GALNTL6: variants seen among roughly 807,000 people sequenced by gnomAD.
The protein encoded by GALNTL6 is polypeptide N-acetylgalactosaminyltransferase like 6, also known as polypeptide N-acetylgalactosaminyltransferase-like 6.
Under a neutral mutation model 73.7 loss-of-function variants are expected in GALNTL6, and 46 were observed. The ratio of observed to expected loss-of-function variants is 0.62; its 90% CI spans 0.49 to 0.80. The LOEUF is 0.80. Among genes scored for constraint, GALNTL6 ranks in the 30% least tolerant of loss-of-function variants. GALNTL6 has a pLI of 0.00. For synonymous variants in GALNTL6, 259 were observed against 263.7 expected, an observed-to-expected ratio of 0.98 and a Z score of 0.17; for missense variants, 604 against 755.0, an observed-to-expected ratio of 0.80 and a Z score of 2.34.
intron 5 of GALNTL6, among the ~76,000 whole-genome samples, chr4:172,517,727 A>C (rs1013285072): frequency 6.6e-6 from 1 of 152,118 alleles, no homozygotes; most frequent in Non-Finnish European, 1.5e-5. Context: ...CACCACCATA[A>C]GAGTTTGTTT....
chr4:172,749,564 C>T (rs1737312113), intron 5 of GALNTL6, among the ~76,000 whole-genome samples: 2 of 152,080 alleles, frequency 1.3e-5, no homozygotes, highest in African/African-American at 2.4e-5. Context: ...AAAATTACTA[C>T]ATTTTAAGTG....
At chr4:173,021,654 C>T in intron 12 of GALNTL6, 29 bp downstream of exon 12, 2 of 1,608,580 alleles carry the variant, frequency 1.2e-6, no homozygotes, top group Non-Finnish European at 1.7e-6. Context: ...TGGTCATTCT[C>T]AAATTACTGT....
chr4:171,929,943 C>T (rs1738124397), intron 2 of GALNTL6, among the ~76,000 whole-genome samples: 1 of 152,204 alleles, frequency 6.6e-6, no homozygotes, highest in African/African-American at 2.4e-5. Flanking sequence ...GCCCCGTGTC[C>T]CCAGAAAATC....
chr4:172,542,046 T>C (rs951555206), intron 5 of GALNTL6, among the ~76,000 whole-genome samples: 2 of 151,662 alleles, frequency 1.3e-5, no homozygotes, highest in African/African-American at 4.8e-5. Flanking sequence ...ATGTAGGACA[T>C]GGACACACAG....
chr4:172,655,872 C>T (rs945952437), intron 5 of GALNTL6, among the ~76,000 whole-genome samples: 2 of 151,920 alleles, frequency 1.3e-5, no homozygotes, highest in Non-Finnish European at 2.9e-5. Context: ...ATCGCAAGTA[C>T]CTCCTTTCAT....
chr4:172,020,263 G>A (rs889722761), intron 2 of GALNTL6, among the ~76,000 whole-genome samples: 3 of 151,256 alleles, frequency 2.0e-5, no homozygotes, highest in East Asian at 1.9e-4. Flanking sequence ...AACTAGAAAG[G>A]CAAAAGCAAA....
At chr4:172,388,286 G>A (rs1027227699) in intron 5 of GALNTL6, among the ~76,000 whole-genome samples, 3 of 152,134 alleles carry the variant, frequency 2.0e-5, no homozygotes, top group South Asian at 4.1e-4. Context: ...CTATTTTTTC[G>A]TTTTAGAAAT....
intron 5 of GALNTL6, among the ~76,000 whole-genome samples, chr4:172,683,980 GA>G (rs1342904978): frequency 1.3e-5 from 2 of 152,138 alleles, no homozygotes; most frequent in East Asian, 1.9e-4. Flanking sequence ...TCATCTTCCA[GA>G]AAAAAAGTCA....
Position 172,862,340 on chromosome 4 carries a change from ATTAT to A in GALNTL6, c.924-20446_924-20443del, listed in dbSNP as rs1333766489. Reference sequence around the variant, plus strand: ...CTGTGGAACTTTGAACTTGAGAGAGATTATTTAGGGTATCAGGCAGAAGAAATTT... The same window carrying A: ...CTGTGGAACTTTGAACTTGAGAGAGATTAGGGTATCAGGCAGAAGAAATTT... On this transcript the variant is annotated intron_variant, in intron 7 of 12. Transcript: ENST00000506823. 3.9e-5 allele frequency among the ~76,000 whole-genome samples: 6 copies of A among 152,284 alleles called. No homozygotes were observed. The South Asian group carries it at 1.0e-3, about 26-fold the overall frequency.
At chr4:172,146,205 T>C (rs1189128242) in intron 2 of GALNTL6, among the ~76,000 whole-genome samples, 2 of 152,288 alleles carry the variant, frequency 1.3e-5, no homozygotes. Context: ...CAAAATGGCA[T>C]ATTTTAGAGG....
At chr4:172,543,912 T>C (rs1342186136) in intron 5 of GALNTL6, among the ~76,000 whole-genome samples, 2 of 152,210 alleles carry the variant, frequency 1.3e-5, no homozygotes, top group African/African-American at 4.8e-5. Flanking sequence ...AGGGCTAGTT[T>C]GTATAAAAAT....
chr4:171,998,526 GT>G (rs1740566908), intron 2 of GALNTL6, among the ~76,000 whole-genome samples: 1 of 152,044 alleles, frequency 6.6e-6, no homozygotes, highest in South Asian at 2.1e-4. Context: ...TCCAAATACA[GT>G]CACATTTTTA....
chr4:172,743,131 A>G (rs546664553), intron 5 of GALNTL6, among the ~76,000 whole-genome samples: 31 of 152,138 alleles, frequency 2.0e-4, no homozygotes, highest in African/African-American at 7.5e-4. Context: ...GCTTTCCTCC[A>G]TGGGATGTGC....
At chr4:172,669,506 A>G (rs994187427) in intron 5 of GALNTL6, among the ~76,000 whole-genome samples, 2 of 152,160 alleles carry the variant, frequency 1.3e-5, no homozygotes, top group Non-Finnish European at 1.5e-5. Context: ...AAAATTTGCC[A>G]GTTGAAACTT....
chr4:172,627,569 C>T (rs1739215468), intron 5 of GALNTL6, among the ~76,000 whole-genome samples: 2 of 150,264 alleles, frequency 1.3e-5, no homozygotes, highest in South Asian at 2.1e-4. Context: ...CAGTGGAATT[C>T]GTATCAGCTC....
At chr4:172,433,223 A>C (rs1320482417) in intron 5 of GALNTL6, among the ~76,000 whole-genome samples, 1 of 152,134 alleles carries the variant, frequency 6.6e-6, no homozygotes, top group Non-Finnish European at 1.5e-5. Flanking sequence ...TTCTATTTTA[A>C]GCTTCCCTAC....
chr4:171,816,013 A>G (rs1374536674), intron 2 of GALNTL6: 2 of 152,134 alleles, frequency 1.3e-5, no homozygotes, highest in African/African-American at 2.4e-5. Flanking sequence ...TTTGGTTTGA[A>G]GTATATTCTG....
intron 8 of GALNTL6, among the ~76,000 whole-genome samples, chr4:172,911,749 T>C (rs1747214850): frequency 6.6e-6 from 1 of 152,258 alleles, no homozygotes; most frequent in African/African-American, 2.4e-5. Flanking sequence ...CAGAGCACTT[T>C]CAAGTTAAAT....
intron 2 of GALNTL6, among the ~76,000 whole-genome samples, chr4:171,967,673 C>T (rs1739431040): frequency 6.6e-6 from 1 of 152,040 alleles, no homozygotes; most frequent in Non-Finnish European, 1.5e-5. Context: ...ACAAAAATAA[C>T]AAAGGAATGT....
Sources: gnomAD v4.1 joint callset for allele counts (sites outside exome capture counted in the v4.1 genomes callset) on GRCh38, gnomAD v4.1.1 for gene constraint, MANE v1.5 for transcripts, NCBI Gene and HGNC (gene_info 2026-07-23, HGNC 2026-07-21) for gene names.